The following IQSEC2 variants were observed in gnomAD, a reference collection of about 807,000 sequenced individuals.
IQSEC2 encodes IQ motif and SEC7 domain-containing protein 2.
IQSEC2 carries 6 observed loss-of-function variants against 74.6 expected under a neutral mutation model. The observed-to-expected ratio is 0.08, with a 90% CI of 0.04 to 0.16. The LOEUF (loss-of-function observed/expected upper bound fraction) is 0.16. Among genes scored for constraint, IQSEC2 ranks in the 10% least tolerant of loss-of-function variants. IQSEC2 has a pLI of 1.00. For synonymous variants in IQSEC2, 494 were observed against 544.5 expected (o/e 0.91, Z 1.29); for missense variants, 734 against 1,306.2 (o/e 0.56, Z 6.75).
Position 53,243,218 on chromosome X carries a change from A to G in IQSEC2, c.2889+114T>C, listed in dbSNP as rs1213709973. ...CCTTCTGAGGAATGCATTATCACCC[A>G]CTCTGTATTGCAGGTAAAGGGCACC... On this transcript the variant is annotated intron_variant, in intron 9 of 14. Transcript: ENST00000642864. 1.2e-5 allele frequency: 7 copies of G among 579,911 alleles called. No homozygotes were observed. The East Asian group carries it at 2.2e-4, about 18-fold the overall frequency. The allele number at this position is 579,911 out of a possible 1,213,427, so 47.8% of individuals were successfully genotyped here.
chrX:53,235,792 G>A lies in IQSEC2; in HGVS notation c.3492C>T (p.Ser1164=). Residue 1164 remains serine (S), a synonymous_variant, in exon 14 of 15, where the codon AGC becomes AGT. Coordinates refer to ENST00000642864, the MANE Select transcript of IQSEC2 (RefSeq NM_001111125.3). ...AGGAGCTGGCACTTACTTCGATGGTGCTGTCCAGCGATCCCACGCTGTTAC... is the reference window on the plus strand; with the variant it reads ...AGGAGCTGGCACTTACTTCGATGGTACTGTCCAGCGATCCCACGCTGTTAC... The part of the protein sequence containing the change: ...GRRNSVGSLD[S]TIEGSVISSP... The A allele has an allele frequency of 8.6e-7, 1 of 1,166,669 alleles. No individual in the cohort carries two copies. Among genetic ancestry groups the A allele is most frequent in the Non-Finnish European group, 1.1e-6 (1 of 872,481 alleles).
rs12848272 is a variant in IQSEC2, at chrX:53,236,359, G to A, written c.3414C>T (p.Gly1138=). 8.3e-6 allele frequency: 10 copies of A among 1,209,356 alleles called. No homozygotes were observed. The highest frequency in any genetic ancestry group is 2.2e-5 in the Admixed American group (1 of 45,967). ...GGTCTCGCAGGGAACTGCTGAGTGCGCCCCGTTTGAGCCCATCGCCTGCCC... is the reference window on the plus strand; with the variant it reads ...GGTCTCGCAGGGAACTGCTGAGTGCACCCCGTTTGAGCCCATCGCCTGCCC... ...TYGAGDGLKR[G]ALSSSLRDLS... Residue 1138 remains glycine, a synonymous_variant, in exon 13 of 15, where the codon GGC becomes GGT. Coordinates refer to ENST00000642864, the MANE Select transcript of IQSEC2 (RefSeq NM_001111125.3).
At position 53,310,903 on chromosome X, in the gene IQSEC2, C is replaced by T. The variant is rs899244925; in HGVS notation, c.707+9514G>A. Among the ~76,000 whole-genome samples the T allele has an allele frequency of 6.5e-5, 7 of 108,199 alleles. No homozygotes were observed. In the East Asian group the frequency reaches 2.0e-3, roughly 32 times the overall value. 94.0% of individuals were successfully genotyped at this position (108,199 alleles called of 115,157 possible). A position where few individuals can be genotyped will look rare whatever the true frequency, so the allele number is the denominator to read the frequency against. On this transcript the variant is annotated intron_variant, in intron 1 of 14. Coordinates refer to ENST00000642864, the MANE Select transcript of IQSEC2 (RefSeq NM_001111125.3). ...TGGGAGGCCGAGGTGGGCGGATCAC[C>T]TGAGGTCGGGAGTTCGAGACTAGCC...
chrX:53,235,688 G>A, intron 14 of IQSEC2, 95 bp downstream of exon 14: 2 of 945,319 alleles, frequency 2.1e-6, no homozygotes, highest in Non-Finnish European at 3.0e-6. Context: ...TCCCAGCAGG[G>A]AAGAGGGGGA....
chrX:53,254,200 C>G (rs1289822990), intron 4 of IQSEC2, among the ~76,000 whole-genome samples: 2 of 109,784 alleles, frequency 1.8e-5, no homozygotes. Flanking sequence ...CGTGGTGTCA[C>G]ATACCTGCAA....
At chrX:53,289,827 C>T (rs1322642143) in intron 2 of IQSEC2, among the ~76,000 whole-genome samples, 1 of 111,647 alleles carries the variant, frequency 9.0e-6, no homozygotes, top group Non-Finnish European at 1.9e-5. Context: ...AAATTAAATG[C>T]TGGCTTTGGA....
chrX:53,234,792 TG>T lies in IQSEC2; in HGVS notation c.3893del (p.Pro1298HisfsTer99). 1 of 545,872 alleles carries T rather than the reference TG, an allele frequency of 1.8e-6. No homozygotes were observed. The allele number at this position is 545,872 out of a possible 1,213,427, so 45.0% of individuals were successfully genotyped here. A position where few individuals can be genotyped will look rare whatever the true frequency, so the allele number is the denominator to read the frequency against. ...GAATGGAGCCCAGCTGGGGCAAGGGTGGGGGCTGCTGGGGAGGTGGGGGAAG... is the reference window on the plus strand; with the variant it reads ...GAATGGAGCCCAGCTGGGGCAAGGGTGGGGCTGCTGGGGAGGTGGGGGAAG... ...PSLPPPPQQP[P>X]PLPQLGSIPP... On this transcript the variant is annotated frameshift_variant, in exon 15 of 15. Transcript: ENST00000642864. LOFTEE classifies it high-confidence loss of function.
intron 1 of IQSEC2, among the ~76,000 whole-genome samples, chrX:53,304,912 T>C (rs1266343442): frequency 9.0e-6 from 1 of 111,462 alleles, no homozygotes; most frequent in Non-Finnish European, 1.9e-5. Flanking sequence ...AAGTTACTAT[T>C]TATTTTTCTT....
At chrX:53,238,399 T>C in intron 11 of IQSEC2, 93 bp from the exon 12 acceptor site, 1 of 855,211 alleles carries the variant, frequency 1.2e-6, no homozygotes. Context: ...CTTTTTTTTC[T>C]GAGACAACAT....
At chrX:53,277,633 A>G (rs1393044703) in intron 2 of IQSEC2, among the ~76,000 whole-genome samples, 4 of 111,731 alleles carry the variant, frequency 3.6e-5, no homozygotes, top group Admixed American at 1.9e-4. Flanking sequence ...CAATTCATCT[A>G]TATTTTCACA....
At chrX:53,279,813 C>G in intron 2 of IQSEC2, 1 of 359,063 alleles carries the variant, frequency 2.8e-6, no homozygotes, top group Non-Finnish European at 4.9e-6. Flanking sequence ...GAAGAGGAGG[C>G]GTGGGAGGCA....
At chrX:53,265,976 G>A (rs1411192503) in intron 2 of IQSEC2, among the ~76,000 whole-genome samples, 1 of 112,568 alleles carries the variant, frequency 8.9e-6, no homozygotes, top group African/African-American at 3.2e-5. Flanking sequence ...GCAGTGGAAT[G>A]TGTCACTGAA....
chrX:53,241,763 C>A (rs782358197), intron 10 of IQSEC2, 21 bp downstream of exon 10: 4 of 1,208,992 alleles, frequency 3.3e-6, no homozygotes, highest in East Asian at 5.9e-5. Flanking sequence ...CCTCCCATCT[C>A]CTCCCCCACA....
At chrX:53,304,318 G>A (rs2075240106) in intron 1 of IQSEC2, among the ~76,000 whole-genome samples, 1 of 111,831 alleles carries the variant, frequency 8.9e-6, no homozygotes, top group Admixed American at 9.6e-5. Context: ...AAATCAGAAA[G>A]CTTGTTGGAT....
At chrX:53,316,351 T>A (rs1447382078) in intron 1 of IQSEC2, among the ~76,000 whole-genome samples, 1 of 111,231 alleles carries the variant, frequency 9.0e-6, no homozygotes, top group Non-Finnish European at 1.9e-5. Flanking sequence ...TTTTCCCTCC[T>A]GGGAAGGAGA....
chrX:53,274,452 CTTTTTTTTTTTTTTTTT>C (rs66510453), intron 2 of IQSEC2, among the ~76,000 whole-genome samples: 1 of 47,113 alleles, frequency 2.1e-5, no homozygotes, highest in African/African-American at 9.7e-5. Context: ...AGTTACATTT[CTTTTTTTTTTTTTTTTT>C]TTTTTTTTTT....
chrX:53,311,788 C>T (rs1425027499), intron 1 of IQSEC2, among the ~76,000 whole-genome samples: 3 of 111,564 alleles, frequency 2.7e-5, no homozygotes, highest in Non-Finnish European at 3.8e-5. Context: ...TAGTGGCACA[C>T]GCCTGTAATC....
intron 13 of IQSEC2, 140 bp downstream of exon 13, chrX:53,236,182 G>T: frequency 1.4e-6 from 1 of 716,991 alleles, no homozygotes; most frequent in Non-Finnish European, 2.1e-6. Flanking sequence ...CCCCTGTGGC[G>T]CAGCGCCCAG....
chrX:53,270,042 G>A (rs2074717248), intron 2 of IQSEC2, among the ~76,000 whole-genome samples: 1 of 110,537 alleles, frequency 9.0e-6, no homozygotes, highest in African/African-American at 3.3e-5. Flanking sequence ...AACTTCAGGT[G>A]TAGATCCCTC....
Sources: gnomAD v4.1 joint callset for allele counts (sites outside exome capture counted in the v4.1 genomes callset) on GRCh38, gnomAD v4.1.1 for gene constraint, MANE v1.5 for transcripts, NCBI Gene and HGNC (gene_info 2026-07-23, HGNC 2026-07-21) for gene names.